The following IL2RB variants were observed in gnomAD, a reference collection of about 807,000 sequenced individuals.
The protein encoded by IL2RB is interleukin 2 receptor subunit beta, also known as interleukin-2 receptor subunit beta.
Under a neutral mutation model 44.2 loss-of-function variants are expected in IL2RB, and 17 were observed. The ratio of observed to expected loss-of-function variants is 0.38; its 90% CI spans 0.26 to 0.58. The LOEUF is 0.58. Among genes scored for constraint, IL2RB ranks in the 20% least tolerant of loss-of-function variants. The probability of loss-of-function intolerance (pLI) is 0.63; values close to 1 mark genes in which losing one functional copy is unlikely to be tolerated. For synonymous variants in IL2RB, 286 were observed against 297.9 expected, an observed-to-expected ratio of 0.96 and a Z score of 0.41; for missense variants, 624 against 685.5, an observed-to-expected ratio of 0.91 and a Z score of 1.00.
intron 8 of IL2RB, among the ~76,000 whole-genome samples, chr22:37,133,616 A>T (rs1921537684): frequency 6.6e-6 from 1 of 152,118 alleles, no homozygotes; most frequent in African/African-American, 2.4e-5. Context: ...CCCCGGTCAG[A>T]AGTGTCACCT....
intron 1 of IL2RB, 148 bp from the exon 2 acceptor site, chr22:37,144,353 C>T (rs1271661979): frequency 5.4e-6 from 5 of 920,302 alleles, no homozygotes; most frequent in Middle Eastern, 3.5e-4. Context: ...TTTGCACCTG[C>T]TAATCCCACC....
chr22:37,150,127 C>G (rs1399901324), upstream of IL2RB: 2 of 152,554 alleles, frequency 1.3e-5, no homozygotes, highest in African/African-American at 2.5e-5. Context: ...CACACACACA[C>G]ACAGACACAC....
At chr22:37,142,722 C>T in intron 3 of IL2RB, 1 of 704,156 alleles carries the variant, frequency 1.4e-6, no homozygotes, top group East Asian at 2.7e-5. Flanking sequence ...CTCCCTCATC[C>T]CAGCCTGGTC....
At chr22:37,145,862 C>T (rs572805370) in intron 1 of IL2RB, among the ~76,000 whole-genome samples, 6 of 152,170 alleles carry the variant, frequency 3.9e-5, no homozygotes, top group Middle Eastern at 3.4e-3. Flanking sequence ...CCTTCTCCAG[C>T]GGCTCCAAAC....
intron 1 of IL2RB, among the ~76,000 whole-genome samples, chr22:37,171,489 A>G (rs1923283849): frequency 6.6e-6 from 1 of 152,232 alleles, no homozygotes. Context: ...AAACGCTATC[A>G]GAAAAGAAAA....
chr22:37,158,265 G>A (rs1191069755), intron 1 of IL2RB, among the ~76,000 whole-genome samples: 1 of 152,186 alleles, frequency 6.6e-6, no homozygotes, highest in Non-Finnish European at 1.5e-5. Flanking sequence ...ATAGGAAGGG[G>A]AGGGCTGGGC....
chr22:37,130,186 T>C (rs1450634645), intron 9 of IL2RB, among the ~76,000 whole-genome samples: 1 of 152,252 alleles, frequency 6.6e-6, no homozygotes, highest in Non-Finnish European at 1.5e-5. Flanking sequence ...GGTCGCTGGC[T>C]GGGCAGAGAG....
intron 1 of IL2RB, among the ~76,000 whole-genome samples, chr22:37,168,283 T>TG (rs1923146786): frequency 6.6e-6 from 1 of 152,206 alleles, no homozygotes; most frequent in African/African-American, 2.4e-5. Flanking sequence ...TTAGAAAATG[T>TG]GGTCATAATG....
At chr22:37,162,015 T>C (rs1273732304) in intron 1 of IL2RB, 1 of 152,248 alleles carries the variant, frequency 6.6e-6, no homozygotes, top group Non-Finnish European at 1.5e-5. Context: ...CAGAATATCC[T>C]GAATGATTCC....
In IL2RB at chr22:37,128,696, G is replaced by T. The variant is rs1188049683; in HGVS notation, c.1056C>A (p.Asn352Lys). The change falls in exon 10 of 10, where the codon AAC (asparagine) becomes AAA (lysine). Residue 352 changes from asparagine to lysine, a missense_variant. Physicochemically the swap from Asn to Lys is moderately conservative, Grantham distance 94. Transcript: ENST00000216223. The surrounding 1 kb of genome is among the most constrained non-coding windows in gnomAD (Gnocchi z 4.5). ...TGGTGAAGCAGCTGGTCAGCGAGTG[G>T]TTGCTGCTTAAGGATGCGGGCTCAG... ...KVPEPASLSS[N>K]HSLTSCFTNQ... The T allele has an allele frequency of 3.1e-6, 5 of 1,614,084 alleles. No individual in the cohort carries two copies. Among genetic ancestry groups the T allele is most frequent in the Non-Finnish European group, 4.2e-6 (5 of 1,180,010 alleles).
chr22:37,153,187 G>T (rs200707923), upstream of IL2RB, among the ~76,000 whole-genome samples: 5 of 151,942 alleles, frequency 3.3e-5, no homozygotes, highest in Admixed American at 3.3e-4. Context: ...CACCTCCCTC[G>T]GCCTCCCAAA....
intron 1 of IL2RB, among the ~76,000 whole-genome samples, chr22:37,147,586 C>G (rs547844003): frequency 3.1e-4 from 47 of 152,346 alleles, no homozygotes; most frequent in South Asian, 1.0e-3. Flanking sequence ...CTAACTTGCC[C>G]AGGGTCATAA....
chr22:37,139,026 G>C, intron 5 of IL2RB, 91 bp downstream of exon 5: 2 of 827,962 alleles, frequency 2.4e-6, no homozygotes, highest in South Asian at 3.0e-5. Context: ...AGCTGCCGGG[G>C]AGAAAGGCTG....
intron 1 of IL2RB, among the ~76,000 whole-genome samples, chr22:37,145,281 G>T (rs1384079433): frequency 1.3e-5 from 2 of 152,164 alleles, no homozygotes; most frequent in Admixed American, 1.3e-4. Context: ...GAAGCTCCCT[G>T]GAGGCAGGGC....
chr22:37,139,038 A>C, intron 5 of IL2RB, 79 bp downstream of exon 5: 1 of 914,546 alleles, frequency 1.1e-6, no homozygotes, highest in Non-Finnish European at 1.8e-6. Flanking sequence ...GAAAGGCTGG[A>C]GCAGGGAAGA....
intron 1 of IL2RB, among the ~76,000 whole-genome samples, chr22:37,171,452 A>ACT: frequency 6.6e-6 from 1 of 152,298 alleles, no homozygotes; most frequent in Admixed American, 6.5e-5. Context: ...AGGACTAAGT[A>ACT]AGTTTCATAG....
At chr22:37,134,787 G>T (rs2146232750) in intron 8 of IL2RB, among the ~76,000 whole-genome samples, 1 of 152,256 alleles carries the variant, frequency 6.6e-6, no homozygotes, top group South Asian at 2.1e-4. Flanking sequence ...CTGCATGATT[G>T]TCTGCCTTCC....
chr22:37,164,870 T>A (rs558118812), intron 1 of IL2RB, among the ~76,000 whole-genome samples: 10 of 152,192 alleles, frequency 6.6e-5, no homozygotes, highest in Non-Finnish European at 4.4e-5. Context: ...CTATTCTAAG[T>A]ACACATGTTG....
chr22:37,133,843 A>T (rs1921550745), intron 8 of IL2RB, among the ~76,000 whole-genome samples: 1 of 152,120 alleles, frequency 6.6e-6, no homozygotes, highest in Non-Finnish European at 1.5e-5. Flanking sequence ...GTCTCCAGCC[A>T]CACCAGCGCC....
Sources: gnomAD v4.1 joint callset for allele counts (sites outside exome capture counted in the v4.1 genomes callset) on GRCh38, gnomAD v4.1.1 for gene constraint, Gnocchi (gnomAD v3.1) non-coding constraint, MANE v1.5 for transcripts, NCBI Gene and HGNC (gene_info 2026-07-23, HGNC 2026-07-21) for gene names.